Variants in FBXL5 observed in about 807,000 individuals in gnomAD.
FBXL5 encodes F-box and leucine rich repeat protein 5.
In FBXL5, 26 loss-of-function variants were observed where a neutral mutation model predicts 78.3. The observed-to-expected ratio is 0.33, with a 90% CI of 0.24 to 0.46. The LOEUF (loss-of-function observed/expected upper bound fraction) is 0.46. FBXL5 is among the 20% of genes least tolerant of loss of function. The pLI, the probability that FBXL5 is intolerant of heterozygous loss-of-function variation, is 1.00. For synonymous variants in FBXL5, 295 were observed against 282.5 expected (o/e 1.04, Z -0.45); for missense variants, 710 against 829.2 (o/e 0.86, Z 1.77).
intron 3 of FBXL5, among the ~76,000 whole-genome samples, chr4:15,639,719 G>A (rs979420532): frequency 1.3e-5 from 2 of 152,196 alleles, no homozygotes; most frequent in Non-Finnish European, 2.9e-5. Flanking sequence ...GAGTTGGGGG[G>A]CCCTGAAAAA....
At chr4:15,606,552 C>T (rs6824422) in intron 10 of FBXL5, among the ~76,000 whole-genome samples, 114,808 of 152,030 alleles carry the variant, frequency 0.76, 43,610 homozygotes, top group East Asian at 0.91. Flanking sequence ...AGTTTCACAG[C>T]ACATATTCAA....
chr4:15,608,423 G>C (rs1722026497), intron 10 of FBXL5, among the ~76,000 whole-genome samples: 1 of 151,970 alleles, frequency 6.6e-6, no homozygotes, highest in African/African-American at 2.4e-5. Flanking sequence ...AAGTCTAAGG[G>C]ATGGTGGCAG....
In FBXL5 at chr4:15,630,657, C is replaced by A; in HGVS notation, c.892+9G>T. 2 of 1,553,982 alleles carry A rather than the reference C, an allele frequency of 1.3e-6. No homozygotes were observed. The highest frequency in any genetic ancestry group is 1.7e-6 in the Non-Finnish European group (2 of 1,158,390). On this transcript the variant is annotated intron_variant, in intron 6 of 10. Coordinates refer to ENST00000341285, the MANE Select transcript of FBXL5 (RefSeq NM_012161.4). ...ACTATGTAATAATTTTAATTCCAAACAAGCTTACCAGATTCATCAATGTCA... is the reference window on the plus strand; with the variant it reads ...ACTATGTAATAATTTTAATTCCAAAAAAGCTTACCAGATTCATCAATGTCA...
At chr4:15,644,463 G>C in intron 2 of FBXL5, 30 bp downstream of exon 2, 1 of 1,555,444 alleles carries the variant, frequency 6.4e-7, no homozygotes, top group African/African-American at 1.5e-5. Flanking sequence ...CACAAGTTTT[G>C]ACAGTTGAAT....
chr4:15,625,894 T>C lies in FBXL5; in HGVS notation c.1208A>G (p.Lys403Arg), dbSNP rs1713000449. 6.2e-7 allele frequency: 1 copy of C among 1,614,128 alleles called. No homozygotes were observed. ...CEKITDVALE[K>R]ISRALGILTS... ...CAGAATTCCAAGAGCTCTGGAAATC[T>C]TCTCTAGGGCCACATCTGTGATTTT... Residue 403 changes from lysine to arginine, a missense_variant, in exon 9 of 11, where the codon AAG becomes AGG. Coordinates refer to ENST00000341285, the MANE Select transcript of FBXL5 (RefSeq NM_012161.4).
At chr4:15,674,373 G>A (rs769762705) in intron 1 of FBXL5, among the ~76,000 whole-genome samples, 9 of 152,094 alleles carry the variant, frequency 5.9e-5, no homozygotes, top group Non-Finnish European at 1.3e-4. Flanking sequence ...TACTGGGTAT[G>A]TGAGAACTGC....
Position 15,630,763 on chromosome 4 carries a change from T to C in FBXL5, c.795A>G (p.Glu265=), listed in dbSNP as rs774226384. The C allele has an allele frequency of 2.5e-6, 4 of 1,613,134 alleles. No homozygotes were observed. The highest frequency in any genetic ancestry group is 3.4e-6 in the Non-Finnish European group (4 of 1,179,664). ...ATTCATCATCAGGTTCAGTATCAAG[T>C]TCAGTTGCGGGACCACTATACCAGT... ...RGDWYSGPAT[E]LDTEPDDEWV... Residue 265 remains glutamate (E), a synonymous_variant, in exon 6 of 11, where the codon GAA becomes GAG. Coordinates refer to ENST00000341285, the MANE Select transcript of FBXL5 (RefSeq NM_012161.4).
intron 9 of FBXL5, among the ~76,000 whole-genome samples, chr4:15,619,577 T>C (rs1156557544): frequency 1.2e-5 from 1 of 86,906 alleles, no homozygotes; most frequent in Non-Finnish European, 2.4e-5. Context: ...GATACAAGCT[T>C]TTCCCTTAAG....
At chr4:15,618,305 G>A (rs1032319601) in intron 9 of FBXL5, among the ~76,000 whole-genome samples, 5 of 152,180 alleles carry the variant, frequency 3.3e-5, no homozygotes, top group Non-Finnish European at 7.4e-5. Context: ...GCTGAGGTGG[G>A]AGGATTGCTT....
At chr4:15,635,251 T>G (rs570530696) in intron 5 of FBXL5, among the ~76,000 whole-genome samples, 52 of 151,400 alleles carry the variant, frequency 3.4e-4, no homozygotes, top group African/African-American at 1.1e-3. Context: ...GAGAATCGCT[T>G]GAACCTGGGA....
intron 1 of FBXL5, among the ~76,000 whole-genome samples, chr4:15,676,518 G>A (rs1209457667): frequency 6.6e-6 from 1 of 152,164 alleles, no homozygotes; most frequent in Non-Finnish European, 1.5e-5. Context: ...TGTGGACATA[G>A]TTTAGCTTCT....
intron 1 of FBXL5, among the ~76,000 whole-genome samples, chr4:15,650,451 G>C (rs1293488625): frequency 6.6e-6 from 1 of 152,046 alleles, no homozygotes; most frequent in Non-Finnish European, 1.5e-5. Context: ...CCACAAAAGA[G>C]ATTTATGACC....
At chr4:15,636,069 T>C (rs997210274) in intron 5 of FBXL5, among the ~76,000 whole-genome samples, 3 of 151,968 alleles carry the variant, frequency 2.0e-5, no homozygotes, top group African/African-American at 7.2e-5. Context: ...ATAGAATTTA[T>C]TCTGTATTTT....
chr4:15,652,284 C>G (rs1307237074), intron 1 of FBXL5, among the ~76,000 whole-genome samples: 1 of 152,176 alleles, frequency 6.6e-6, no homozygotes, highest in Non-Finnish European at 1.5e-5. Context: ...TAAGAAACTA[C>G]TATGATTTAA....
intron 1 of FBXL5, among the ~76,000 whole-genome samples, chr4:15,679,282 G>T (rs928318581): frequency 1.3e-5 from 2 of 151,876 alleles, no homozygotes; most frequent in Non-Finnish European, 2.9e-5. Context: ...AGGATCTCCT[G>T]ATCTCATGAT....
At chr4:15,617,337 T>C (rs1044304581) in intron 9 of FBXL5, among the ~76,000 whole-genome samples, 62 of 151,386 alleles carry the variant, frequency 4.1e-4, no homozygotes, top group African/African-American at 1.5e-3. Flanking sequence ...AGCTCAGGAG[T>C]TCTGGACCAG....
chr4:15,655,174 C>T (rs1268322475), intron 1 of FBXL5, 30 bp downstream of exon 1: 16 of 1,367,596 alleles, frequency 1.2e-5, no homozygotes, highest in Non-Finnish European at 1.4e-5. Flanking sequence ...GCCCGCACCG[C>T]CCACAGCGGG....
upstream of FBXL5, among the ~76,000 whole-genome samples, chr4:15,660,205 A>G (rs986354706): frequency 6.6e-6 from 1 of 152,072 alleles, no homozygotes; most frequent in Non-Finnish European, 1.5e-5. Context: ...CAGCTGCAGA[A>G]TAGCTAAGAC....
In FBXL5 at chr4:15,675,872, C is replaced by T. The variant is rs1164807838; in HGVS notation, c.-284+5511G>A. On this transcript the variant is annotated intron_variant, in intron 1 of 4. Coordinates refer to the FBXL5 transcript ENST00000507899. ...TGCTGGGATTACAGGCATGAGCCAC[C>T]GCGCCCAGCCAAAACTCCTGTTCTA... Among the ~76,000 whole-genome samples the T allele has an allele frequency of 2.6e-5, 4 of 152,216 alleles. No homozygotes were observed. In the East Asian group the frequency reaches 5.8e-4, roughly 22 times the overall value.
Sources: allele counts gnomAD v4.1 joint callset (sites outside exome capture counted in the v4.1 genomes callset), GRCh38; gene constraint gnomAD v4.1.1; transcripts MANE v1.5; gene names NCBI Gene and HGNC (gene_info 2026-07-23, HGNC 2026-07-21).